The following POLR1A variants were observed in gnomAD, a reference collection of about 807,000 sequenced individuals.
POLR1A encodes the protein DNA-directed RNA polymerase I subunit RPA1.
Under a neutral mutation model 205.3 loss-of-function variants are expected in POLR1A, and 84 were observed. That is an observed-to-expected ratio of 0.41 (90% CI 0.34 to 0.49). The LOEUF (loss-of-function observed/expected upper bound fraction) is 0.49. Among genes scored for constraint, POLR1A ranks in the 20% least tolerant of loss-of-function variants. The pLI is 0.22. For synonymous variants in POLR1A, 799 were observed against 863.7 expected (o/e 0.93, Z 1.31); for missense variants, 1,645 against 2,204.5 (o/e 0.75, Z 5.08).
chr2:86,097,029 C>T (rs999818017), intron 3 of POLR1A, among the ~76,000 whole-genome samples: 4 of 151,498 alleles, frequency 2.6e-5, no homozygotes, highest in Non-Finnish European at 4.4e-5. Flanking sequence ...CAGCAAAAAT[C>T]CCAAACAATT....
intron 3 of POLR1A, among the ~76,000 whole-genome samples, chr2:86,090,387 A>C (rs1673580022): frequency 2.2e-4 from 2 of 9,128 alleles, no homozygotes; most frequent in African/African-American, 5.0e-4. Context: ...ACACCATCTC[A>C]AAAAAAAAAA....
chr2:86,052,399 G>A (rs1672818731), intron 16 of POLR1A, among the ~76,000 whole-genome samples: 1 of 152,188 alleles, frequency 6.6e-6, no homozygotes, highest in African/African-American at 2.4e-5. Context: ...GGTTAGGAAA[G>A]AAACAGAATG....
intron 3 of POLR1A, among the ~76,000 whole-genome samples, chr2:86,094,828 C>T (rs1201636193): frequency 1.3e-5 from 2 of 152,228 alleles, no homozygotes; most frequent in Non-Finnish European, 2.9e-5. Context: ...TCTCCCACCA[C>T]TGCCACTGTC....
chr2:86,059,682 C>T (rs182328489), intron 14 of POLR1A, among the ~76,000 whole-genome samples: 1 of 152,318 alleles, frequency 6.6e-6, no homozygotes, highest in East Asian at 1.9e-4. Context: ...TTTCGTGCCT[C>T]AGCCTTCTGA....
intron 13 of POLR1A, among the ~76,000 whole-genome samples, chr2:86,068,816 G>A (rs143179047): frequency 2.0e-5 from 3 of 152,290 alleles, no homozygotes; most frequent in African/African-American, 4.8e-5. Context: ...AAAAGGGTCC[G>A]GGATGCCGGG....
At chr2:86,076,273 A>G (rs1000746609) in intron 11 of POLR1A, among the ~76,000 whole-genome samples, 8 of 152,246 alleles carry the variant, frequency 5.3e-5, no homozygotes, top group African/African-American at 1.7e-4. Flanking sequence ...GGTCCCGCGC[A>G]GCAACACTTT....
At chr2:86,034,345 AG>A (rs1672457276) in intron 27 of POLR1A, among the ~76,000 whole-genome samples, 1 of 152,180 alleles carries the variant, frequency 6.6e-6, no homozygotes, top group South Asian at 2.1e-4. Flanking sequence ...TTGGTGTGGG[AG>A]CCCCGGCAAT....
intron 18 of POLR1A, among the ~76,000 whole-genome samples, chr2:86,047,795 A>C (rs1672735135): frequency 6.6e-6 from 1 of 152,134 alleles, no homozygotes; most frequent in Non-Finnish European, 1.5e-5. Flanking sequence ...TCCTGGGGAG[A>C]TGCTGAGAAG....
At chr2:86,050,340 C>T (rs1195293621) in intron 16 of POLR1A, among the ~76,000 whole-genome samples, 1 of 152,152 alleles carries the variant, frequency 6.6e-6, no homozygotes, top group African/African-American at 2.4e-5. Context: ...TTTGGAATTC[C>T]CAACGCAAGG....
chr2:86,056,913 T>C (rs1169047072), intron 14 of POLR1A, among the ~76,000 whole-genome samples: 1 of 152,224 alleles, frequency 6.6e-6, no homozygotes, highest in Non-Finnish European at 1.5e-5. Context: ...CCAAGAGCTC[T>C]GAAGATATGC....
intron 19 of POLR1A, among the ~76,000 whole-genome samples, chr2:86,046,934 T>A (rs1672720660): frequency 6.6e-6 from 1 of 152,238 alleles, no homozygotes; most frequent in Middle Eastern, 3.2e-3. Context: ...ATAGTACAGT[T>A]TGTAAATTTG....
intron 3 of POLR1A, among the ~76,000 whole-genome samples, chr2:86,095,580 TG>T (rs1170821714): frequency 6.6e-6 from 1 of 152,176 alleles, no homozygotes; most frequent in African/African-American, 2.4e-5. Flanking sequence ...ATATTAACTA[TG>T]AAAAAGTATC....
chr2:86,083,102 G>T lies in POLR1A; in HGVS notation c.797C>A (p.Ser266Tyr). Residue 266 changes from serine (S) to tyrosine (Y), a missense_variant, in exon 7 of 34, where the codon TCT becomes TAT. Ser to Tyr is a moderately radical substitution (Grantham distance 144, BLOSUM62 -2). Transcript: ENST00000263857. ...LTPTSAREHL[S>Y]ALWKNEGFFL... The stretch of plus-strand genomic sequence containing the variant: ...AGCACCTTCATTCTTCCACAGGGCA[G>T]AAAGGTGTTCGCGGGCACTGGTGGG... The T allele has an allele frequency of 6.2e-7, 1 of 1,613,706 alleles. No individual in the cohort carries two copies. The highest frequency in any genetic ancestry group is 1.1e-5 in the South Asian group (1 of 91,076).
intron 6 of POLR1A, 110 bp from the exon 7 acceptor site, chr2:86,083,278 C>A: frequency 1.3e-6 from 1 of 756,564 alleles, no homozygotes; most frequent in South Asian, 1.5e-5. Context: ...CCACAAAAAT[C>A]AATCTCAAGG....
chr2:86,079,332 C>G (rs1219043938), intron 9 of POLR1A, among the ~76,000 whole-genome samples: 2 of 152,184 alleles, frequency 1.3e-5, no homozygotes, highest in African/African-American at 4.8e-5. Flanking sequence ...TTACCTGGCT[C>G]AAGACCAGTG....
rs780758144 is a variant in POLR1A, at chr2:86,100,176, A to C, written c.78-4T>G. ...AATGGATTTAACACTTAATTTCCTA[A>C]GGGGATAAAAAAGACCAAGAGGAAA... On this transcript the variant is annotated splice_polypyrimidine_tract_variant and splice_region_variant and intron_variant, in intron 1 of 33. Transcript: ENST00000263857. 5 of 1,610,786 alleles carry C rather than the reference A, an allele frequency of 3.1e-6. No homozygotes were observed. The African/African-American group carries it at 5.3e-5, about 17-fold the overall frequency.
At chr2:86,081,833 C>A in intron 7 of POLR1A, 127 bp from the exon 8 acceptor site, 1 of 629,976 alleles carries the variant, frequency 1.6e-6, no homozygotes. Flanking sequence ...GAGTTAAGGT[C>A]ACAGTTTTCT....
At chr2:86,053,760 C>T (rs1467773248) in intron 15 of POLR1A, among the ~76,000 whole-genome samples, 3 of 152,118 alleles carry the variant, frequency 2.0e-5, no homozygotes, top group Non-Finnish European at 2.9e-5. Context: ...CTGCCCTGGG[C>T]CTGTCCTTTT....
At chr2:86,102,574 T>C (rs1673841819) in intron 1 of POLR1A, among the ~76,000 whole-genome samples, 1 of 152,258 alleles carries the variant, frequency 6.6e-6, no homozygotes. Context: ...TGGGTTGCCC[T>C]TTCACTCTGC....
Sources: gnomAD v4.1 joint callset for allele counts (sites outside exome capture counted in the v4.1 genomes callset) on GRCh38, gnomAD v4.1.1 for gene constraint, MANE v1.5 for transcripts, NCBI Gene and HGNC (gene_info 2026-07-23, HGNC 2026-07-21) for gene names.